Variants in ITSN1 observed in about 807,000 individuals in gnomAD.
ITSN1 encodes intersectin 1.
A neutral mutation model predicts 239.8 loss-of-function variants in ITSN1; 58 were observed. That is an observed-to-expected ratio of 0.24 (90% CI 0.20 to 0.30). The LOEUF (loss-of-function observed/expected upper bound fraction) is 0.30. Ranked by LOEUF, ITSN1 falls within the 10% of genes least tolerant of loss-of-function variation. ITSN1 has a pLI of 1.00. For synonymous variants in ITSN1, 780 were observed against 770.8 expected (o/e 1.01, Z -0.20); for missense variants, 1,558 against 2,103.3 (o/e 0.74, Z 5.07).
chr21:33,781,246 G>A (rs1399928416), intron 14 of ITSN1, among the ~76,000 whole-genome samples: 1 of 152,138 alleles, frequency 6.6e-6, no homozygotes, highest in Non-Finnish European at 1.5e-5. Flanking sequence ...AGAAATATCA[G>A]GGAAGCTATA....
At chr21:33,849,069 C>G (rs1010950607) in intron 29 of ITSN1, among the ~76,000 whole-genome samples, 1 of 149,694 alleles carries the variant, frequency 6.7e-6, no homozygotes, top group Non-Finnish European at 1.5e-5. Flanking sequence ...GGTGAAACCC[C>G]GTCTCTACTA....
At chr21:33,749,516 C>T (rs1032480895) in intron 5 of ITSN1, among the ~76,000 whole-genome samples, 2 of 151,896 alleles carry the variant, frequency 1.3e-5, no homozygotes, top group South Asian at 2.1e-4. Flanking sequence ...GTGGTGGGCA[C>T]CTGTAATCCC....
intron 1 of ITSN1, among the ~76,000 whole-genome samples, chr21:33,664,470 T>A (rs1273384303): frequency 1.3e-5 from 2 of 152,118 alleles, no homozygotes; most frequent in East Asian, 1.9e-4. Context: ...AATCTATTCA[T>A]GAAGGATCCA....
chr21:33,661,585 G>A (rs1185089112), intron 1 of ITSN1, among the ~76,000 whole-genome samples: 1 of 152,130 alleles, frequency 6.6e-6, no homozygotes, highest in Non-Finnish European at 1.5e-5. Context: ...AGCAGGTCTT[G>A]CCTGAGTACC....
At chr21:33,715,265 A>T (rs369224099) in intron 1 of ITSN1, among the ~76,000 whole-genome samples, 1,963 of 3,894 alleles carry the variant, frequency 0.5, 48 homozygotes, top group African/African-American at 0.51. Context: ...ATATAGGTCT[A>T]GGAAATCTAA....
At chr21:33,836,132 G>T (rs936966814) in intron 28 of ITSN1, among the ~76,000 whole-genome samples, 2 of 152,174 alleles carry the variant, frequency 1.3e-5, no homozygotes, top group Non-Finnish European at 2.9e-5. Flanking sequence ...CAGTAGGAAG[G>T]AGTTCCGCTG....
Position 33,865,743 on chromosome 21 carries a change from G to T in ITSN1, c.4074+409G>T, listed in dbSNP as rs1291411752. Among the ~76,000 whole-genome samples, 1 of 152,226 alleles carries T rather than the reference G, an allele frequency of 6.6e-6. No individual in the cohort carries two copies. The highest frequency in any genetic ancestry group is 1.5e-5 in the Non-Finnish European group (1 of 68,050). On this transcript the variant is annotated intron_variant, in intron 32 of 39. Transcript: ENST00000381318. The surrounding 1 kb of genome is among the most constrained non-coding windows in gnomAD (Gnocchi z 4.4). ...GCAGAGGGAATGGCCAGGACTCCCA[G>T]TGGCCCCTTCATTCCTTTCGCAGTT... is the stretch of plus-strand genomic sequence containing the variant.
intron 32 of ITSN1, among the ~76,000 whole-genome samples, chr21:33,866,485 CCTCCCCGCCCCTCTCCTCTTCACCT>C (rs72496156): frequency 0.21 from 31,784 of 152,018 alleles, 4,001 homozygotes; most frequent in East Asian, 0.4. Context: ...CCTCATTGTC[CCTCCCCGCCCCTCTCCTCTTCACCT>C]CTCCCCACCT....
At chr21:33,753,418 T>C (rs1476737250) in intron 7 of ITSN1, among the ~76,000 whole-genome samples, 1 of 152,110 alleles carries the variant, frequency 6.6e-6, no homozygotes, top group Non-Finnish European at 1.5e-5. Flanking sequence ...TAGTGCATGG[T>C]GGAGCTGAGA....
chr21:33,774,384 T>G (rs2069427722), intron 12 of ITSN1: 1 of 170,668 alleles, frequency 5.9e-6, no homozygotes, highest in African/African-American at 2.4e-5. Context: ...TTTTACTACA[T>G]AAATTTTCCT....
intron 4 of ITSN1, among the ~76,000 whole-genome samples, chr21:33,723,474 T>TC (rs2065624984): frequency 6.6e-6 from 1 of 151,792 alleles, no homozygotes; most frequent in African/African-American, 2.4e-5. Context: ...ATTAGCCAGG[T>TC]GTGGTGGCGG....
At chr21:33,856,259 C>T (rs1979307407) in intron 29 of ITSN1, among the ~76,000 whole-genome samples, 1 of 152,140 alleles carries the variant, frequency 6.6e-6, no homozygotes, top group Admixed American at 6.5e-5. Flanking sequence ...CCGCCTGTAT[C>T]AGTTTCTAGG....
In ITSN1 at chr21:33,789,794, A is replaced by G. The variant is rs531812124; in HGVS notation, c.1825-4547A>G. The stretch of plus-strand genomic sequence containing the variant: ...TGCCTTTTAGCTTAGCAATAGAACA[A>G]ACTTCTTCAGTAAACCTGAGCCACA... On this transcript the variant is annotated intron_variant, in intron 16 of 39. Coordinates refer to ENST00000381318, the MANE Select transcript of ITSN1 (RefSeq NM_003024.3). Among the ~76,000 whole-genome samples, 3 of 152,362 alleles carry G rather than the reference A, an allele frequency of 2.0e-5. No homozygotes were observed. The East Asian group carries it at 5.8e-4, about 29-fold the overall frequency.
chr21:33,700,194 C>T (rs1179049921), intron 1 of ITSN1, among the ~76,000 whole-genome samples: 1 of 152,056 alleles, frequency 6.6e-6, no homozygotes, highest in Non-Finnish European at 1.5e-5. Context: ...AAGCAATTCT[C>T]CTGCCTCAGC....
Position 33,853,919 on chromosome 21 carries a change from G to C in ITSN1, c.3662-2817G>C, listed in dbSNP as rs111356427. On this transcript the variant is annotated intron_variant, in intron 29 of 39. Transcript: ENST00000381318. Reference sequence around the variant, plus strand: ...ACCTTCAGCGGAGGGTGGGGCAGTAGCACCGCCTGCTGAGGACCACCAGTC... The same window carrying C: ...ACCTTCAGCGGAGGGTGGGGCAGTACCACCGCCTGCTGAGGACCACCAGTC... Among the ~76,000 whole-genome samples, 1,113 of 152,270 alleles carry C rather than the reference G, an allele frequency of 7.3e-3. 7 individuals are homozygous for C. Among genetic ancestry groups the C allele is most frequent in the East Asian group, 0.015 (80 of 5,186 alleles).
At chr21:33,827,551 A>G (rs2148339785) in intron 26 of ITSN1, among the ~76,000 whole-genome samples, 1 of 152,290 alleles carries the variant, frequency 6.6e-6, no homozygotes, top group Admixed American at 6.5e-5. Flanking sequence ...TCATTTCATA[A>G]CAATGCATTC....
At chr21:33,881,222 A>G (rs1341362596) in intron 34 of ITSN1, among the ~76,000 whole-genome samples, 2 of 152,044 alleles carry the variant, frequency 1.3e-5, no homozygotes, top group Non-Finnish European at 2.9e-5. Context: ...CCTGGCTAAC[A>G]TGGTGAAACC....
intron 20 of ITSN1, among the ~76,000 whole-genome samples, chr21:33,809,501 AC>A (rs2072734602): frequency 6.6e-6 from 1 of 152,214 alleles, no homozygotes; most frequent in Non-Finnish European, 1.5e-5. Flanking sequence ...CCTATTACTC[AC>A]TGTCCACTGA....
In ITSN1 at chr21:33,717,945, C is replaced by A. The variant is rs370136590; in HGVS notation, c.-32-852C>A. Among the ~76,000 whole-genome samples the A allele has an allele frequency of 9.9e-5, 15 of 152,162 alleles. No homozygotes were observed. In the South Asian group the frequency reaches 3.1e-3, roughly 32 times the overall value. On this transcript the variant is annotated intron_variant, in intron 1 of 39. Coordinates refer to ENST00000381318, the MANE Select transcript of ITSN1 (RefSeq NM_003024.3). ...TCGGCTGTTGATGAATAAATAATGC[C>A]TGATGGAGATTTTTGGAGCATTAGA...
Sources: allele counts gnomAD v4.1 joint callset (sites outside exome capture counted in the v4.1 genomes callset), GRCh38; gene constraint gnomAD v4.1.1; non-coding constraint Gnocchi (gnomAD v3.1); transcripts MANE v1.5; gene names NCBI Gene and HGNC (gene_info 2026-07-23, HGNC 2026-07-21).